Variants in ADISSP observed in about 807,000 individuals in gnomAD.
ADISSP encodes adipose secreted signaling protein.
the ADISSP span, chr20:3,753,867 T>G: frequency 1.7e-6 from 1 of 598,478 alleles, no homozygotes; most frequent in Non-Finnish European, 3.0e-6. Context: ...GAGGAGGAAG[T>G]GGGAGAGGAG....
the ADISSP span, chr20:3,767,379 C>T: frequency 6.6e-6 from 1 of 152,456 alleles, no homozygotes; most frequent in Non-Finnish European, 1.5e-5. Context: ...CCATTACGCC[C>T]CCGCCCTCAC....
At chr20:3,760,038 C>A in the ADISSP span, 2 of 1,610,616 alleles carry the variant, frequency 1.2e-6, no homozygotes, top group African/African-American at 1.3e-5. Flanking sequence ...CAGGGCCCAC[C>A]GGAAGAGCTT....
the ADISSP span, among the ~76,000 whole-genome samples, chr20:3,756,859 C>CAGT: frequency 2.4e-3 from 361 of 152,210 alleles, 2 homozygotes; most frequent in African/African-American, 8.4e-3. Flanking sequence ...TATCATGGAC[C>CAGT]AGTAGGCAGT....
chr20:3,757,899 G>A, the ADISSP span, among the ~76,000 whole-genome samples: 1 of 151,866 alleles, frequency 6.6e-6, no homozygotes, highest in African/African-American at 2.4e-5. Context: ...CATCTCAATG[G>A]GCCAGACCTC....
chr20:3,753,705 G>A, the ADISSP span: 1 of 348,784 alleles, frequency 2.9e-6, no homozygotes, highest in Non-Finnish European at 5.4e-6. Context: ...ACGCCACAGA[G>A]CCAGCTCCGT....
At chr20:3,761,515 T>G in the ADISSP span, among the ~76,000 whole-genome samples, 2 of 152,148 alleles carry the variant, frequency 1.3e-5, no homozygotes, top group African/African-American at 4.8e-5. Context: ...TTTGTATTTT[T>G]AGTAGAGACA....
the ADISSP span, among the ~76,000 whole-genome samples, chr20:3,755,851 G>C: frequency 6.6e-6 from 1 of 152,168 alleles, no homozygotes; most frequent in Non-Finnish European, 1.5e-5. Flanking sequence ...TCTGTCTCAC[G>C]GGCCCCAAAG....
At chr20:3,754,644 CAGGG>C in the ADISSP span, 2 of 980,792 alleles carry the variant, frequency 2.0e-6, no homozygotes, top group Non-Finnish European at 3.1e-6. Flanking sequence ...AAGAAAGGGG[CAGGG>C]ATGGCCCTTC....
the ADISSP span, chr20:3,754,046 G>C: frequency 6.2e-7 from 1 of 1,600,244 alleles, no homozygotes; most frequent in Non-Finnish European, 8.6e-7. Flanking sequence ...GGGGCAGGCG[G>C]GGCCTCGGGC....
At chr20:3,756,244 G>A in the ADISSP span, among the ~76,000 whole-genome samples, 2 of 152,248 alleles carry the variant, frequency 1.3e-5, no homozygotes, top group Admixed American at 6.5e-5. Context: ...CTGCCCTGCT[G>A]GCACTGGACT....
the ADISSP span, chr20:3,758,583 A>G: frequency 2.5e-6 from 4 of 1,613,666 alleles, no homozygotes; most frequent in African/African-American, 5.3e-5. This position sits in a 1 kb window ranked among gnomAD's most constrained non-coding sequence, Gnocchi z 5.5. Context: ...ATGACCACCG[A>G]GTCATGCAGC....
At chr20:3,754,488 G>T in the ADISSP span, 1 of 1,614,026 alleles carries the variant, frequency 6.2e-7, no homozygotes, top group Non-Finnish European at 8.5e-7. Context: ...CGCCCTCTTT[G>T]TGCGCCGAGT....
At chr20:3,761,701 C>T in the ADISSP span, among the ~76,000 whole-genome samples, 44 of 152,188 alleles carry the variant, frequency 2.9e-4, no homozygotes, top group Admixed American at 4.6e-4. Context: ...CTCCCAGTCA[C>T]ACACTGGTCT....
At chr20:3,754,035 C>G in the ADISSP span, 2 of 1,578,148 alleles carry the variant, frequency 1.3e-6, no homozygotes, top group African/African-American at 1.3e-5. Context: ...CTGAGGGGCC[C>G]GGGGCAGGCG....
the ADISSP span, among the ~76,000 whole-genome samples, chr20:3,762,589 C>T: frequency 1.3e-5 from 2 of 152,162 alleles, no homozygotes; most frequent in South Asian, 2.1e-4. Context: ...GGAGCTTAAG[C>T]GATCCACCCA....
At chr20:3,755,775 CCCCAGCCCTTTCACAGACCCCTTGAGGGT>C in the ADISSP span, among the ~76,000 whole-genome samples, 1 of 26,682 alleles carries the variant, frequency 3.7e-5, no homozygotes, top group African/African-American at 9.1e-5. Context: ...AGCCCAGTGG[CCCCAGCCCTTTCACAGACCCCTTGAGGGT>C]CCCAGCCCTA....
chr20:3,768,167 A>C, the ADISSP span: 2 of 152,378 alleles, frequency 1.3e-5, no homozygotes, highest in Non-Finnish European at 2.9e-5. Flanking sequence ...GGAGCTCCCG[A>C]AGGTGGCCTT....
At chr20:3,756,423 G>A in the ADISSP span, among the ~76,000 whole-genome samples, 5 of 150,212 alleles carry the variant, frequency 3.3e-5, no homozygotes, top group Admixed American at 2.0e-4. Context: ...TGGTTGCTGA[G>A]CAGGGGGGCT....
At chr20:3,760,742 G>T in the ADISSP span, among the ~76,000 whole-genome samples, 5 of 152,182 alleles carry the variant, frequency 3.3e-5, no homozygotes, top group Non-Finnish European at 7.3e-5. Flanking sequence ...GATGCCTGTG[G>T]AGGGGGTGTG....
Sources: allele counts gnomAD v4.1 joint callset (sites outside exome capture counted in the v4.1 genomes callset), GRCh38; gene constraint gnomAD v4.1.1; non-coding constraint Gnocchi (gnomAD v3.1); transcripts MANE v1.5; gene names NCBI Gene and HGNC (gene_info 2026-07-23, HGNC 2026-07-21).